The following GPR155 variants were observed in gnomAD, a reference collection of about 807,000 sequenced individuals.
GPR155 encodes lysosomal cholesterol signaling protein.
GPR155 carries 65 observed loss-of-function variants against 93.1 expected under a neutral mutation model. That is an observed-to-expected ratio of 0.70 (90% CI 0.57 to 0.86). The LOEUF is 0.86. Among genes scored for constraint, GPR155 ranks in the 40% least tolerant of loss-of-function variants. GPR155 has a pLI of 0.00. For synonymous variants in GPR155, 319 were observed against 360.1 expected (o/e 0.89, Z 1.29); for missense variants, 838 against 1,034.8 (o/e 0.81, Z 2.61).
At chr2:174,484,349 G>T (rs912054393) in intron 1 of GPR155, among the ~76,000 whole-genome samples, 1 of 152,114 alleles carries the variant, frequency 6.6e-6, no homozygotes, top group African/African-American at 2.4e-5. Context: ...CCCTTAAGAC[G>T]GTGTGTACTT....
chr2:174,473,350 G>T lies in GPR155; in HGVS notation c.475C>A (p.Gln159Lys). 6.3e-7 allele frequency: 1 copy of T among 1,576,586 alleles called. No homozygotes were observed. The highest frequency in any genetic ancestry group is 8.6e-7 in the Non-Finnish European group (1 of 1,163,216). The change falls in exon 3 of 16, where the codon CAA (glutamine) becomes AAA (lysine). Residue 159 changes from glutamine to lysine, a missense_variant. By Grantham distance (53) the Gln-to-Lys change is moderately conservative. This residue lies in a region of GPR155 where 663 missense variants were observed against 790.1 expected (regional missense o/e 0.84). Coordinates refer to ENST00000392552, the MANE Select transcript of GPR155 (RefSeq NM_152529.7). ...LGYPIVEALY[Q>K]TTYPEYLQYI... Reference sequence around the variant, plus strand: ...TGGAGATATTCTGGGTATGTAGTTTGATATAAAGCTTCAACTGCAAAACAA... The same window carrying T: ...TGGAGATATTCTGGGTATGTAGTTTTATATAAAGCTTCAACTGCAAAACAA...
chr2:174,466,179 T>C (rs1413707571), intron 6 of GPR155, among the ~76,000 whole-genome samples: 4 of 152,210 alleles, frequency 2.6e-5, no homozygotes, highest in African/African-American at 9.6e-5. Flanking sequence ...ATTAATTTTA[T>C]ACCTGTATTT....
At position 174,436,322 on chromosome 2, in the gene GPR155, C is replaced by A. The variant is rs368224388; in HGVS notation, c.2407G>T (p.Val803Leu). The change falls in exon 16 of 16, where the codon GTG becomes TTG. Residue 803 changes from valine to leucine, a missense_variant. Val to Leu is a conservative substitution (Grantham distance 32). Transcript: ENST00000392552. ...TGTACCAGCCTGTCTCCGTATATCA[C>A]AGCTTCACCACGGTCGGAGGCAAGG... ...VGLASDRGEA[V>L]IYGDRLVQGG... 2.1e-5 allele frequency: 34 copies of A among 1,614,050 alleles called. No individual in the cohort carries two copies. The highest frequency in any genetic ancestry group is 2.9e-5 in the Non-Finnish European group (34 of 1,180,026).
Position 174,435,950 on chromosome 2 carries a change from C to T in GPR155, c.*166G>A. ...TATGTGTTTTACATACATGTAAAAT[C>T]ACAGACCCTGCGCATGTGGTGGGAG... On this transcript the variant is annotated 3_prime_UTR_variant, in exon 16 of 16. Coordinates refer to ENST00000392552, the MANE Select transcript of GPR155 (RefSeq NM_152529.7). The T allele has an allele frequency of 1.7e-6, 1 of 598,628 alleles. No homozygotes were observed. Among genetic ancestry groups the T allele is most frequent in the Non-Finnish European group, 3.0e-6 (1 of 334,298 alleles). The allele number at this position is 598,628 out of a possible 1,614,324, so 37.1% of individuals were successfully genotyped here.
chr2:174,460,950 A>T (rs1687673906), intron 9 of GPR155, among the ~76,000 whole-genome samples: 1 of 152,150 alleles, frequency 6.6e-6, no homozygotes, highest in Admixed American at 6.6e-5. Flanking sequence ...TTAAAAACAC[A>T]TCTTTGGACT....
At chr2:174,486,016 C>CGGG (rs1559124560) in intron 1 of GPR155, among the ~76,000 whole-genome samples, 1 of 152,108 alleles carries the variant, frequency 6.6e-6, no homozygotes, top group African/African-American at 2.4e-5. Flanking sequence ...AGTGAAAATG[C>CGGG]GGGGGGAAGG....
chr2:174,436,200 A>C lies in GPR155; in HGVS notation c.2529T>G (p.Pro843=). Residue 843 remains proline, a synonymous_variant, in exon 16 of 16, where the codon CCT becomes CCG. Transcript: ENST00000392552. ...FLQKSPEQSP[P]AINANTLQQE... The stretch of plus-strand genomic sequence containing the variant: ...GTTGGAGAGTGTTTGCATTAATAGC[A>C]GGAGGACTCTGTTCAGGACTCTTTT... The C allele has an allele frequency of 6.2e-7, 1 of 1,613,742 alleles. No homozygotes were observed. The highest frequency in any genetic ancestry group is 8.5e-7 in the Non-Finnish European group (1 of 1,179,614).
rs191148994 is a variant in GPR155 at position 174,439,234 on chromosome 2, G to A, written c.2312+664C>T. On this transcript the variant is annotated intron_variant, in intron 15 of 15. Coordinates refer to ENST00000392552, the MANE Select transcript of GPR155 (RefSeq NM_152529.7). ...TTCAGTTATAGACATAAAAGTATTT[G>A]GTTCTTTATATTTTGTTTTGTTTTC... Among the ~76,000 whole-genome samples, 3 of 151,980 alleles carry A rather than the reference G, an allele frequency of 2.0e-5. No homozygotes were observed. The East Asian group carries it at 5.8e-4, about 29-fold the overall frequency.
At chr2:174,465,022 C>T (rs1384843216) in intron 7 of GPR155, among the ~76,000 whole-genome samples, 3 of 152,144 alleles carry the variant, frequency 2.0e-5, no homozygotes, top group Non-Finnish European at 4.4e-5. Flanking sequence ...AGGATGAATA[C>T]AAAACAGCCA....
intron 2 of GPR155, among the ~76,000 whole-genome samples, chr2:174,479,138 C>T (rs1013235933): frequency 1.2e-4 from 19 of 152,234 alleles, no homozygotes; most frequent in South Asian, 4.1e-4. Flanking sequence ...GGCTGGCACA[C>T]GGCTAGAAAC....
At chr2:174,483,764 T>C (rs1688395667) in intron 1 of GPR155, among the ~76,000 whole-genome samples, 1 of 152,078 alleles carries the variant, frequency 6.6e-6, no homozygotes, top group South Asian at 2.1e-4. Flanking sequence ...TTTGAATTTT[T>C]AGTAGAGACG....
intron 13 of GPR155, 83 bp from the exon 14 acceptor site, chr2:174,442,266 A>G (rs1392639084): frequency 1.3e-6 from 1 of 790,520 alleles, no homozygotes; most frequent in African/African-American, 1.7e-5. Flanking sequence ...CACCAAATTT[A>G]GTGTTTGAGG....
In GPR155 at chr2:174,465,792, C is replaced by T. The variant is rs760522682; in HGVS notation, c.1377G>A (p.Leu459=). The part of the protein sequence containing the change: ...LLYSSLYSTY[L]WTGLLAISLF... The stretch of plus-strand genomic sequence containing the variant: ...ATTCATAATCCAACTCACCTGTCCA[C>T]AGGTAGGTGCTATAGAGGGAGCTGT... The change falls in exon 7 of 16, where the codon CTG becomes CTA. Residue 459 remains leucine, a synonymous_variant. Coordinates refer to ENST00000392552, the MANE Select transcript of GPR155 (RefSeq NM_152529.7). The T allele has an allele frequency of 2.6e-6, 4 of 1,520,604 alleles. No homozygotes were observed. Among genetic ancestry groups the T allele is most frequent in the Admixed American group, 1.7e-5 (1 of 58,802 alleles). The allele number at this position is 1,520,604 out of a possible 1,614,324, so 94.2% of individuals were successfully genotyped here. A position where few individuals can be genotyped will look rare whatever the true frequency, so the allele number is the denominator to read the frequency against.
chr2:174,444,524 A>C (rs1687060686), intron 13 of GPR155, among the ~76,000 whole-genome samples: 2 of 118,634 alleles, frequency 1.7e-5, no homozygotes, highest in African/African-American at 3.4e-5. Context: ...GTCTCATCTC[A>C]CTCTGTCACC....
At chr2:174,437,529 T>C (rs2105659093) in intron 15 of GPR155, among the ~76,000 whole-genome samples, 1 of 152,120 alleles carries the variant, frequency 6.6e-6, no homozygotes, top group Middle Eastern at 3.4e-3. Flanking sequence ...TTATACTCTG[T>C]GTTAGCCTTC....
chr2:174,435,003 A>C lies in GPR155; in HGVS notation c.*1113T>G, dbSNP rs1001185080. On this transcript the variant is annotated 3_prime_UTR_variant, in exon 16 of 16. Coordinates refer to ENST00000392552, the MANE Select transcript of GPR155 (RefSeq NM_152529.7). ...AAGAACCTCTTATTAGAATCATTAA[A>C]ATTCTTTTTCAAGAGATGCTATCAA... 1 of 152,116 alleles carries C rather than the reference A, an allele frequency of 6.6e-6. No individual in the cohort carries two copies. The highest frequency in any genetic ancestry group is 2.4e-5 in the African/African-American group (1 of 41,412). 9.4% of individuals were successfully genotyped at this position (152,116 alleles called of 1,614,324 possible).
chr2:174,480,423 A>G (rs1688286091), intron 2 of GPR155, among the ~76,000 whole-genome samples: 1 of 152,238 alleles, frequency 6.6e-6, no homozygotes, highest in Admixed American at 6.5e-5. Context: ...ATGAATGAAT[A>G]TATCTATAAT....
chr2:174,466,721 C>T, intron 5 of GPR155, 94 bp from the exon 6 acceptor site: 1 of 678,616 alleles, frequency 1.5e-6, no homozygotes, highest in South Asian at 1.8e-5. Flanking sequence ...AAATAACCCT[C>T]TTTGTCCTGG....
At chr2:174,450,294 T>C (rs1687280757) in intron 11 of GPR155, among the ~76,000 whole-genome samples, 1 of 151,956 alleles carries the variant, frequency 6.6e-6, no homozygotes, top group South Asian at 2.1e-4. Flanking sequence ...GACATAAAGA[T>C]GGTAATGATG....
Sources: gnomAD v4.1 joint callset for allele counts (sites outside exome capture counted in the v4.1 genomes callset) on GRCh38, gnomAD v4.1.1 for gene constraint, gnomAD v4.1.1 regional missense constraint, MANE v1.5 for transcripts, NCBI Gene and HGNC (gene_info 2026-07-23, HGNC 2026-07-21) for gene names.